Variants in AGRN observed in about 807,000 individuals in gnomAD.
The protein encoded by AGRN is agrin.
Under a neutral mutation model 211.0 loss-of-function variants are expected in AGRN, and 106 were observed. That is an observed-to-expected ratio of 0.50 (90% CI 0.43 to 0.59). The LOEUF (loss-of-function observed/expected upper bound fraction) is 0.59, where lower values mean the gene tolerates loss of function less well. Ranked by LOEUF, AGRN falls within the 20% of genes least tolerant of loss-of-function variation. AGRN has a pLI of 0.00. For synonymous variants in AGRN, 1,525 were observed against 1,332.5 expected (o/e 1.14, Z -3.15); for missense variants, 3,040 against 2,982.6 (o/e 1.02, Z -0.45).
intron 33 of AGRN, chr1:1,052,427 T>C (rs944830368): frequency 2.0e-5 from 6 of 304,620 alleles, no homozygotes; most frequent in Non-Finnish European, 3.9e-5. Context: ...GGGGGACATG[T>C]AGATATGCGT....
chr1:1,049,968 C>T lies in AGRN; in HGVS notation c.4810C>T (p.Arg1604Cys), dbSNP rs201353978. Residue 1604 changes from arginine (R) to cysteine (C), a missense_variant, in exon 27 of 36, where the codon CGT becomes TGT. By Grantham distance (180) the Arg-to-Cys change is radical (BLOSUM62 -3). Transcript: ENST00000379370. ...CCCCTGCCATGGGGCGGCGCCCTGC[C>T]GTGTGCTGCCCGAGGGTGGTGCTCA... Reference protein sequence around the residue: ...PNPCHGAAPCRVLPEGGAQCE... With the variant: ...PNPCHGAAPCCVLPEGGAQCE... 40 of 1,607,598 alleles carry T rather than the reference C, an allele frequency of 2.5e-5. 1 individual carries two copies. The highest frequency in any genetic ancestry group is 2.1e-4 in the African/African-American group (16 of 74,674).
Position 1,022,435 on chromosome 1 carries a change from C to A in AGRN, c.436C>A (p.Leu146Met). 1.2e-6 allele frequency: 2 copies of A among 1,611,990 alleles called. No individual in the cohort carries two copies. The highest frequency in any genetic ancestry group is 1.7e-6 in the Non-Finnish European group (2 of 1,178,870). The change falls in exon 2 of 36, where the codon CTG becomes ATG. Residue 146 changes from leucine (L) to methionine (M), a missense_variant. By Grantham distance (15) the Leu-to-Met change is conservative. Coordinates refer to ENST00000379370, the MANE Select transcript of AGRN (RefSeq NM_198576.4). ...CCTCATGCGGATCACCCTGCGGAAC[C>A]TGGAGGAGGTGGAGTTCTGTGTGGA... ...SSLMRITLRN[L>M]EEVEFCVEDK... is the part of the protein sequence containing the mutation.
chr1:1,031,768 C>T lies in AGRN; in HGVS notation c.464-3509C>T, dbSNP rs1384432663. On this transcript the variant is annotated intron_variant, in intron 2 of 35. Transcript: ENST00000379370. This position sits in a 1 kb window ranked among gnomAD's most constrained non-coding sequence, Gnocchi z 4.8. ...CCCCACCCCTCCCACATTGTGGTACCTGTCCTCCTCCTGCAGAGCCCGCCC... is the reference window on the plus strand; with the variant it reads ...CCCCACCCCTCCCACATTGTGGTACTTGTCCTCCTCCTGCAGAGCCCGCCC... Among the ~76,000 whole-genome samples, 1 of 152,242 alleles carries T rather than the reference C, an allele frequency of 6.6e-6. No homozygotes were observed.
chr1:1,046,693 G>T lies in AGRN; in HGVS notation c.3208G>T (p.Glu1070Ter). The change falls in exon 18 of 36, where the codon GAA (glutamate) becomes TAA (stop). Residue 1070 changes from glutamate (E) to a stop codon, truncating the protein, a stop_gained. Coordinates refer to ENST00000379370, the MANE Select transcript of AGRN (RefSeq NM_198576.4). LOFTEE classifies it high-confidence loss of function. ...SGSTDGSSDE[E>*]LSGDQEASGG... ...CAGCACTGATGGAAGCAGCGATGAG[G>T]AACTGAGCGGGGACCAGGAGGCCAG... 6.3e-7 allele frequency: 1 copy of T among 1,584,614 alleles called. No homozygotes were observed. Among genetic ancestry groups the T allele is most frequent in the Non-Finnish European group, 8.5e-7 (1 of 1,171,056 alleles).
At chr1:1,040,980 GGCGGGGCCCGGCGGGGAGGA>G (rs1644915612) in intron 4 of AGRN, 100 bp downstream of exon 4, 1 of 306,520 alleles carries the variant, frequency 3.3e-6, no homozygotes, top group South Asian at 1.4e-4. Context: ...CGGGGGCAGG[GGCGGGGCCCGGCGGGGAGGA>G]GCGGGGCTGG....
intron 24 of AGRN, 81 bp downstream of exon 24, chr1:1,049,140 CAGGT>C (rs1645195889): frequency 1.4e-5 from 7 of 504,746 alleles, no homozygotes; most frequent in Middle Eastern, 6.5e-4. Context: ...CGGGGCAGCT[CAGGT>C]GGGTGGGGTG....
intron 2 of AGRN, among the ~76,000 whole-genome samples, chr1:1,029,228 C>A (rs185608679): frequency 6.0e-4 from 91 of 152,302 alleles, no homozygotes; most frequent in South Asian, 5.4e-3. Flanking sequence ...TAAGTACCTG[C>A]GGGTGCCCAA....
chr1:1,053,440 C>A, intron 33 of AGRN: 1 of 1,438,738 alleles, frequency 7.0e-7, no homozygotes, highest in Non-Finnish European at 9.3e-7. Flanking sequence ...TCACCCGCCT[C>A]CCTCTCTTCC....
chr1:1,034,286 G>C, intron 2 of AGRN: 1 of 985,466 alleles, frequency 1.0e-6, no homozygotes, highest in Non-Finnish European at 1.2e-6. Context: ...GGTGGCTGCG[G>C]GCTCCCAGTC....
chr1:1,023,293 C>G (rs555265519), intron 2 of AGRN, among the ~76,000 whole-genome samples: 2 of 152,288 alleles, frequency 1.3e-5, no homozygotes, highest in East Asian at 1.9e-4. Flanking sequence ...CTTGAGGGGT[C>G]CTTGTGGGGT....
chr1:1,043,927 G>C lies in AGRN; in HGVS notation c.1903G>C (p.Asp635His). 2 of 1,609,346 alleles carry C rather than the reference G, an allele frequency of 1.2e-6. No individual in the cohort carries two copies. Among genetic ancestry groups the C allele is most frequent in the Non-Finnish European group, 8.5e-7 (1 of 1,179,556 alleles). Residue 635 changes from aspartate (D) to histidine (H), a missense_variant, in exon 10 of 36, where the codon GAC becomes CAC. Physicochemically the swap from Asp to His is moderately conservative, Grantham distance 81. Around this residue, in one of 3 missense-constraint regions of AGRN, gnomAD observed 1,498 missense variants for 1,457.8 expected, o/e 1.03. Coordinates refer to ENST00000379370, the MANE Select transcript of AGRN (RefSeq NM_198576.4). ...HPPPGPVCGS[D>H]GVTYGSACEL... ...CCCGCCCGGCCCCGTGTGTGGCAGC[G>C]ACGGTGTCACCTACGGCAGTGCCTG... is the stretch of plus-strand genomic sequence containing the variant.
At position 1,055,974 on chromosome 1, in the gene AGRN, C is replaced by G. The variant is rs1224653588; in HGVS notation, c.*993C>G. The G allele has an allele frequency of 6.6e-6, 1 of 152,298 alleles. No individual in the cohort carries two copies. The highest frequency in any genetic ancestry group is 1.5e-5 in the Non-Finnish European group (1 of 68,074). 9.4% of individuals were successfully genotyped at this position (152,298 alleles called of 1,614,324 possible). On this transcript the variant is annotated 3_prime_UTR_variant, in exon 36 of 36. Transcript: ENST00000379370. ...CGTCCCGTCCCTTCCCCACCCCCAT[C>G]CCATCCCCACCCCCAGCCCCAGCCC...
intron 3 of AGRN, among the ~76,000 whole-genome samples, chr1:1,038,508 G>A (rs988220336): frequency 6.6e-6 from 1 of 152,238 alleles, no homozygotes; most frequent in Non-Finnish European, 1.5e-5. Flanking sequence ...GTCTTGGGAC[G>A]TAGCAGGACC....
rs773048224 is a variant in AGRN at position 1,046,623 on chromosome 1, C to T, written c.3138C>T (p.Pro1046=). ...WPVLTVPPTA[P]SPAPSLVASA... ...TGCTGACGGTGCCCCCCACGGCACCCTCCCCTGCACCCAGCCTGGTGGCGT... is the reference window on the plus strand; with the variant it reads ...TGCTGACGGTGCCCCCCACGGCACCTTCCCCTGCACCCAGCCTGGTGGCGT... The change falls in exon 18 of 36, where the codon CCC becomes CCT. Residue 1046 remains proline, a synonymous_variant. Transcript: ENST00000379370. 15 of 1,601,974 alleles carry T rather than the reference C, an allele frequency of 9.4e-6. No homozygotes were observed. Among genetic ancestry groups the T allele is most frequent in the African/African-American group, 1.3e-5 (1 of 74,922 alleles).
intron 27 of AGRN, 30 bp downstream of exon 27, chr1:1,050,067 G>GGA: frequency 4.0e-6 from 5 of 1,256,000 alleles, no homozygotes; most frequent in Non-Finnish European, 5.5e-6. Flanking sequence ...CGGGGCAGGG[G>GGA]GGGGGGGGGG....
Position 1,049,910 on chromosome 1 carries a change from C to T in AGRN, c.4752C>T (p.Thr1584=), listed in dbSNP as rs1645227009. ...CCGTCTTCCTCCATCCAGGACCAAC[C>T]TGTGCCGATGAGAAGAGCCCCTGCC... ...CQCPPGRVGP[T]CADEKSPCQP... is the part of the protein sequence containing the mutation. The change falls in exon 27 of 36, where the codon ACC becomes ACT. Residue 1584 remains threonine, a synonymous_variant. Transcript: ENST00000379370. 2 of 1,610,724 alleles carry T rather than the reference C, an allele frequency of 1.2e-6. No homozygotes were observed. The highest frequency in any genetic ancestry group is 1.7e-6 in the Non-Finnish European group (2 of 1,179,258).
rs540454935 is a variant in AGRN at position 1,055,082 on chromosome 1, T to A, written c.*101T>A. 7.8e-5 allele frequency: 117 copies of A among 1,499,304 alleles called. No homozygotes were observed. Among genetic ancestry groups the A allele is most frequent in the Non-Finnish European group, 1.0e-4 (111 of 1,115,502 alleles). 92.9% of individuals were successfully genotyped at this position (1,499,304 alleles called of 1,614,324 possible). The stretch of plus-strand genomic sequence containing the variant: ...TTGCCTGAGTGTTGGCCGGAGGGAC[T>A]GCTGGCCCGGCCTCCCTTCCGTCCA... On this transcript the variant is annotated 3_prime_UTR_variant, in exon 36 of 36. Coordinates refer to ENST00000379370, the MANE Select transcript of AGRN (RefSeq NM_198576.4).
At chr1:1,052,591 T>C (rs944835007) in intron 33 of AGRN, 4 of 196,712 alleles carry the variant, frequency 2.0e-5, no homozygotes, top group East Asian at 1.4e-4. Context: ...TCTGAGTGTG[T>C]GCGCACATGG....
At chr1:1,054,726 G>C in intron 35 of AGRN, 98 bp from the exon 36 acceptor site, 1 of 1,511,098 alleles carries the variant, frequency 6.6e-7, no homozygotes, top group East Asian at 2.5e-5. Flanking sequence ...CGGGAGGCGG[G>C]TGCCCAGGTG....
Sources: allele counts gnomAD v4.1 joint callset (sites outside exome capture counted in the v4.1 genomes callset), GRCh38; gene constraint gnomAD v4.1.1; regional missense constraint gnomAD v4.1.1; non-coding constraint Gnocchi (gnomAD v3.1); transcripts MANE v1.5; gene names NCBI Gene and HGNC (gene_info 2026-07-23, HGNC 2026-07-21).